PRKCH: variants seen among roughly 807,000 people sequenced by gnomAD.
PRKCH encodes protein kinase C eta type.
A neutral mutation model predicts 82.5 loss-of-function variants in PRKCH; 28 were observed. The ratio of observed to expected loss-of-function variants is 0.34; its 90% CI spans 0.25 to 0.47. PRKCH has a LOEUF of 0.47. PRKCH is among the 20% of genes least tolerant of loss of function. The pLI is 1.00. For missense variants in PRKCH, 705 were observed against 881.8 expected (o/e 0.80, Z 2.54); for synonymous variants, 322 against 327.4 (o/e 0.98, Z 0.18).
intron 1 of PRKCH, among the ~76,000 whole-genome samples, chr14:61,351,545 A>G (rs888653086): frequency 2.6e-5 from 4 of 152,216 alleles, no homozygotes; most frequent in African/African-American, 9.6e-5. Context: ...TTCTAAATAC[A>G]CGAAAGCACG....
chr14:61,193,807 G>T (rs1456942698), intron 1 of PRKCH, among the ~76,000 whole-genome samples: 1 of 152,186 alleles, frequency 6.6e-6, no homozygotes, highest in African/African-American at 2.4e-5. Context: ...GGGATATATT[G>T]GGCCAGAAAG....
intron 10 of PRKCH, 69 bp downstream of exon 10, chr14:61,485,725 C>A: frequency 6.7e-7 from 1 of 1,503,594 alleles, no homozygotes; most frequent in Non-Finnish European, 9.0e-7. Flanking sequence ...ATCCATCCTT[C>A]CACTTCTCAT....
chr14:61,197,372 T>C (rs1251106894), intron 1 of PRKCH, among the ~76,000 whole-genome samples: 1 of 152,220 alleles, frequency 6.6e-6, no homozygotes, highest in Non-Finnish European at 1.5e-5. Context: ...TTATGTCCCA[T>C]AGGGCTTAGC....
At chr14:61,404,205 A>G (rs1384736657) in intron 2 of PRKCH, among the ~76,000 whole-genome samples, 1 of 151,146 alleles carries the variant, frequency 6.6e-6, no homozygotes, top group Non-Finnish European at 1.5e-5. Flanking sequence ...TCTGGTCTCA[A>G]GTCAGCAGTG....
At chr14:61,235,379 G>A (rs1294288725) in intron 1 of PRKCH, among the ~76,000 whole-genome samples, 8 of 152,262 alleles carry the variant, frequency 5.3e-5, no homozygotes, top group South Asian at 2.1e-4. Context: ...CATTCCCAAC[G>A]GTATGTTATC....
At chr14:61,218,609 C>T (rs900092668) in intron 1 of PRKCH, among the ~76,000 whole-genome samples, 5 of 152,014 alleles carry the variant, frequency 3.3e-5, no homozygotes, top group Admixed American at 2.6e-4. Flanking sequence ...GGAAGCAAAG[C>T]ATATACAGAC....
intron 1 of PRKCH, among the ~76,000 whole-genome samples, chr14:61,212,223 A>T (rs2044587368): frequency 1.3e-5 from 2 of 152,224 alleles, no homozygotes; most frequent in Non-Finnish European, 2.9e-5. Flanking sequence ...AATAGATGTC[A>T]TTAACTTTGG....
intron 2 of PRKCH, among the ~76,000 whole-genome samples, chr14:61,393,912 T>C (rs2046727648): frequency 6.6e-6 from 1 of 152,268 alleles, no homozygotes; most frequent in African/African-American, 2.4e-5. Context: ...CTCTAGTTTG[T>C]ATGTGTTTTT....
intron 10 of PRKCH, among the ~76,000 whole-genome samples, chr14:61,490,613 A>C (rs1232876650): frequency 6.6e-6 from 1 of 152,176 alleles, no homozygotes; most frequent in Non-Finnish European, 1.5e-5. Context: ...ATCCGTTTCC[A>C]AATGAATTTG....
At chr14:61,477,844 C>T (rs531103582) in intron 9 of PRKCH, among the ~76,000 whole-genome samples, 22 of 152,344 alleles carry the variant, frequency 1.4e-4, no homozygotes, top group African/African-American at 5.3e-4. Flanking sequence ...CCTCCTTCGA[C>T]CCTCTATACC....
intron 1 of PRKCH, chr14:61,299,997 T>G (rs1281267755): frequency 6.6e-6 from 1 of 152,240 alleles, no homozygotes; most frequent in African/African-American, 2.4e-5. Flanking sequence ...GGGAAGTAAT[T>G]CCATTGCAAA....
At chr14:61,430,348 T>G (rs1404755651) in intron 2 of PRKCH, among the ~76,000 whole-genome samples, 2 of 152,214 alleles carry the variant, frequency 1.3e-5, no homozygotes, top group African/African-American at 4.8e-5. Flanking sequence ...ACTTTTCATA[T>G]TTTTAGTGGG....
At chr14:61,252,112 A>G (rs1035826456) in intron 1 of PRKCH, among the ~76,000 whole-genome samples, 8 of 152,184 alleles carry the variant, frequency 5.3e-5, no homozygotes, top group African/African-American at 1.9e-4. Context: ...TGCTGGGATT[A>G]CAGGCATGAG....
upstream of PRKCH, among the ~76,000 whole-genome samples, chr14:61,319,829 G>A (rs762839721): frequency 5.9e-5 from 9 of 152,248 alleles, no homozygotes; most frequent in Non-Finnish European, 1.0e-4. Flanking sequence ...TTAGAGTGAT[G>A]CGTTGCATCC....
intron 1 of PRKCH, among the ~76,000 whole-genome samples, chr14:61,297,268 A>C (rs1403599310): frequency 6.6e-6 from 1 of 152,220 alleles, no homozygotes; most frequent in East Asian, 1.9e-4. Flanking sequence ...CCAATGTTAC[A>C]GTTTATTAAG....
At chr14:61,499,886 C>CT in intron 10 of PRKCH, among the ~76,000 whole-genome samples, 2 of 49,698 alleles carry the variant, frequency 4.0e-5, no homozygotes, top group Non-Finnish European at 9.9e-5. Context: ...AAGGGGTAGA[C>CT]TTAAAAAAAA....
At chr14:61,248,157 T>A (rs2044904879) in intron 1 of PRKCH, among the ~76,000 whole-genome samples, 1 of 152,152 alleles carries the variant, frequency 6.6e-6, no homozygotes, top group Non-Finnish European at 1.5e-5. Flanking sequence ...AAAATCAATA[T>A]CCTCTAGATG....
At chr14:61,346,784 TG>T (rs1200036648) in intron 1 of PRKCH, among the ~76,000 whole-genome samples, 1 of 152,248 alleles carries the variant, frequency 6.6e-6, no homozygotes, top group East Asian at 1.9e-4. Context: ...GCCTGTGTTT[TG>T]CGAGCCCATT....
chr14:61,188,394 C>T lies in PRKCH; in HGVS notation c.-19+726C>T, dbSNP rs189547292. 3.9e-4 allele frequency among the ~76,000 whole-genome samples: 59 copies of T among 152,264 alleles called. No homozygotes were observed. The East Asian group carries it at 0.011, about 28-fold the overall frequency. ...CTGCAAACCGAGGAAGGCTGGCCCGCGGCTCTCAGGCAGTTCTGGCTCCGG... is the reference window on the plus strand; with the variant it reads ...CTGCAAACCGAGGAAGGCTGGCCCGTGGCTCTCAGGCAGTTCTGGCTCCGG... On this transcript the variant is annotated intron_variant, in intron 1 of 3. Transcript: ENST00000555185.
Sources: allele counts gnomAD v4.1 joint callset (sites outside exome capture counted in the v4.1 genomes callset), GRCh38; gene constraint gnomAD v4.1.1; transcripts MANE v1.5; gene names NCBI Gene and HGNC (gene_info 2026-07-23, HGNC 2026-07-21).